The following TOM1L2 variants were observed in gnomAD, a reference collection of about 807,000 sequenced individuals.
The protein encoded by TOM1L2 is TOM1-like protein 2.
A neutral mutation model predicts 67.9 loss-of-function variants in TOM1L2; 31 were observed. That is an observed-to-expected ratio of 0.46 (90% CI 0.34 to 0.62). The LOEUF is 0.62. Ranked by LOEUF, TOM1L2 falls within the 20% of genes least tolerant of loss-of-function variation. The probability of loss-of-function intolerance (pLI) is 0.01; values close to 1 mark genes in which losing one functional copy is unlikely to be tolerated. For missense variants in TOM1L2, 606 were observed against 663.5 expected (o/e 0.91, Z 0.95); for synonymous variants, 256 against 254.0 (o/e 1.01, Z -0.07).
chr17:17,850,697 C>T (rs576408894), intron 13 of TOM1L2, among the ~76,000 whole-genome samples, 196 bp downstream of exon 13: 2 of 152,192 alleles, frequency 1.3e-5, no homozygotes, highest in Admixed American at 6.5e-5. Context: ...CCTCCGCAGG[C>T]CGGGAGGCCA....
chr17:17,903,083 C>T (rs1364348712), intron 2 of TOM1L2, among the ~76,000 whole-genome samples: 3 of 152,272 alleles, frequency 2.0e-5, no homozygotes, highest in African/African-American at 7.2e-5. Context: ...GGTGTCACTT[C>T]CTCCAAGAAG....
chr17:17,889,105 G>A (rs772175200), intron 4 of TOM1L2, among the ~76,000 whole-genome samples: 1 of 152,174 alleles, frequency 6.6e-6, no homozygotes, highest in Non-Finnish European at 1.5e-5. Context: ...CTGAGCCCTC[G>A]CACATGTTGG....
chr17:17,930,019 GCCT>G (rs1231356220), intron 1 of TOM1L2, among the ~76,000 whole-genome samples: 5 of 152,232 alleles, frequency 3.3e-5, no homozygotes, highest in African/African-American at 1.2e-4. Context: ...CAGAGCCCAT[GCCT>G]GGGCACACAC....
chr17:17,894,466 G>T (rs1212891849), intron 3 of TOM1L2, among the ~76,000 whole-genome samples: 1 of 152,174 alleles, frequency 6.6e-6, no homozygotes, highest in Non-Finnish European at 1.5e-5. Context: ...GCTCAGAAAA[G>T]CCCAGCATAC....
intron 7 of TOM1L2, among the ~76,000 whole-genome samples, chr17:17,874,876 G>T (rs2037341471): frequency 6.6e-6 from 1 of 152,190 alleles, no homozygotes; most frequent in South Asian, 2.1e-4. Context: ...ACTATGACCT[G>T]GGGCTTCCAC....
intron 1 of TOM1L2, among the ~76,000 whole-genome samples, chr17:17,934,066 T>A (rs139364598): frequency 6.6e-6 from 1 of 152,280 alleles, no homozygotes; most frequent in African/African-American, 2.4e-5. Flanking sequence ...GCATCACACA[T>A]TAAGTGGGGG....
At chr17:17,951,631 C>G (rs73979243) in intron 1 of TOM1L2, among the ~76,000 whole-genome samples, 1 of 152,108 alleles carries the variant, frequency 6.6e-6, no homozygotes, top group African/African-American at 2.4e-5. Flanking sequence ...TTTCAAGAAA[C>G]GTAAAGGTCT....
chr17:17,853,933 C>G (rs1188269711), intron 12 of TOM1L2, among the ~76,000 whole-genome samples: 1 of 152,236 alleles, frequency 6.6e-6, no homozygotes, highest in African/African-American at 2.4e-5. Flanking sequence ...ACTCAGAAAC[C>G]TTAACTTTCA....
chr17:17,940,791 G>A lies in TOM1L2; in HGVS notation c.52+31471C>T, dbSNP rs2144786262. ...TTTTAACTCTGCTTTCCATAATAAG[G>A]ATTCTGGATTACAGCCCAAAGCTTT... On this transcript the variant is annotated intron_variant, in intron 1 of 14. Coordinates refer to ENST00000379504, the MANE Select transcript of TOM1L2 (RefSeq NM_001082968.2). Among the ~76,000 whole-genome samples, 2 of 152,266 alleles carry A rather than the reference G, an allele frequency of 1.3e-5. 1 individual carries two copies. The highest frequency in any genetic ancestry group is 4.1e-4 in the South Asian group (2 of 4,824).
intron 12 of TOM1L2, among the ~76,000 whole-genome samples, chr17:17,856,224 A>G (rs945528117): frequency 2.6e-5 from 4 of 152,264 alleles, no homozygotes; most frequent in Admixed American, 1.3e-4. Context: ...CATGGTTTCC[A>G]GAAGCCCTGC....
chr17:17,972,221 G>A, intron 1 of TOM1L2, 41 bp downstream of exon 1: 2 of 1,548,010 alleles, frequency 1.3e-6, no homozygotes, highest in Non-Finnish European at 1.7e-6. Context: ...CCGGATCAGC[G>A]GCCGCCGTTG....
At chr17:17,848,995 T>C in intron 13 of TOM1L2, 136 bp from the exon 14 acceptor site, 1 of 710,320 alleles carries the variant, frequency 1.4e-6, no homozygotes, top group Non-Finnish European at 2.4e-6. Flanking sequence ...ATTTTCCCTG[T>C]TTCCAGATTT....
chr17:17,955,978 C>G (rs1354080645), intron 1 of TOM1L2, among the ~76,000 whole-genome samples: 1 of 152,208 alleles, frequency 6.6e-6, no homozygotes, highest in Non-Finnish European at 1.5e-5. Flanking sequence ...GGTTCGTGGT[C>G]TGCGCCAGCC....
At chr17:17,884,046 C>T (rs2037868290) in intron 5 of TOM1L2, among the ~76,000 whole-genome samples, 1 of 152,156 alleles carries the variant, frequency 6.6e-6, no homozygotes, top group Non-Finnish European at 1.5e-5. Flanking sequence ...GCTGCCCCCT[C>T]CACGGTGCTC....
At chr17:17,893,306 C>T (rs2038387219) in intron 4 of TOM1L2, among the ~76,000 whole-genome samples, 1 of 152,158 alleles carries the variant, frequency 6.6e-6, no homozygotes, top group Non-Finnish European at 1.5e-5. Context: ...CCGCCTGACC[C>T]AGAGTTGGCC....
chr17:17,844,373 T>G lies in TOM1L2; in HGVS notation c.*3262A>C, dbSNP rs1444320746. 6.6e-6 allele frequency: 1 copy of G among 151,774 alleles called. No homozygotes were observed. The highest frequency in any genetic ancestry group is 1.5e-5 in the Non-Finnish European group (1 of 67,908). The allele number at this position is 151,774 out of a possible 1,614,324, so 9.4% of individuals were successfully genotyped here. On this transcript the variant is annotated 3_prime_UTR_variant, in exon 15 of 15. Transcript: ENST00000379504. ...CCTTGCCCCAACTCTCCGGGCTGGGTCCTCTCCTCCCCAGGGGCTGGAGTG... is the reference window on the plus strand; with the variant it reads ...CCTTGCCCCAACTCTCCGGGCTGGGGCCTCTCCTCCCCAGGGGCTGGAGTG...
intron 11 of TOM1L2, 194 bp downstream of exon 11, chr17:17,862,537 G>A: frequency 1.7e-6 from 1 of 595,434 alleles, no homozygotes; most frequent in Non-Finnish European, 3.0e-6. Context: ...GTGTGTTTGG[G>A]GGGGTGGGGG....
chr17:17,918,619 C>A (rs1377260255), intron 1 of TOM1L2, among the ~76,000 whole-genome samples: 1 of 152,172 alleles, frequency 6.6e-6, no homozygotes, highest in Non-Finnish European at 1.5e-5. Flanking sequence ...TCTGGAAAGC[C>A]TTCTCTCCAG....
intron 8 of TOM1L2, among the ~76,000 whole-genome samples, chr17:17,867,207 C>T (rs1014463638): frequency 6.6e-6 from 1 of 151,600 alleles, no homozygotes; most frequent in Non-Finnish European, 1.5e-5. Flanking sequence ...TCTCCTCACA[C>T]ACCTGGGCCC....
Sources: allele counts gnomAD v4.1 joint callset (sites outside exome capture counted in the v4.1 genomes callset), GRCh38; gene constraint gnomAD v4.1.1; transcripts MANE v1.5; gene names NCBI Gene and HGNC (gene_info 2026-07-23, HGNC 2026-07-21).